EXOC6: variants seen among roughly 807,000 people sequenced by gnomAD.
EXOC6 encodes exocyst complex component 6, also known as SEC15-like 1.
Under a neutral mutation model 112.5 loss-of-function variants are expected in EXOC6, and 60 were observed. That is an observed-to-expected ratio of 0.53 (90% CI 0.43 to 0.66). EXOC6 has a LOEUF of 0.66. Ranked by LOEUF, EXOC6 falls within the 30% of genes least tolerant of loss-of-function variation. The pLI, the probability that EXOC6 is intolerant of heterozygous loss-of-function variation, is 0.00. For missense variants in EXOC6, 855 were observed against 957.1 expected (o/e 0.89, Z 1.41); for synonymous variants, 295 against 308.0 (o/e 0.96, Z 0.44).
intron 9 of EXOC6, among the ~76,000 whole-genome samples, chr10:92,933,293 A>G (rs534735977): frequency 1.2e-3 from 181 of 152,330 alleles, no homozygotes; most frequent in African/African-American, 4.2e-3. Flanking sequence ...ATCAGTAAGA[A>G]TACAAAACAT....
chr10:92,908,071 T>TTC (rs1249447403), intron 5 of EXOC6, among the ~76,000 whole-genome samples: 1 of 149,324 alleles, frequency 6.7e-6, no homozygotes, highest in Admixed American at 6.7e-5. Context: ...TTTTTTTTTT[T>TTC]TTTTTTGAGA....
chr10:92,935,935 A>G (rs781500008), intron 12 of EXOC6, 50 bp downstream of exon 12: 1 of 1,187,186 alleles, frequency 8.4e-7, no homozygotes, highest in Non-Finnish European at 1.2e-6. Flanking sequence ...TTAAAAACAT[A>G]CAAAATATAG....
chr10:92,857,002 A>C (rs1385301332), intron 1 of EXOC6, among the ~76,000 whole-genome samples: 1 of 152,164 alleles, frequency 6.6e-6, no homozygotes, highest in East Asian at 1.9e-4. Flanking sequence ...TATGTCATTA[A>C]ATCTAAAGTG....
chr10:92,919,062 C>A (rs1047596023), intron 7 of EXOC6, among the ~76,000 whole-genome samples: 1 of 152,052 alleles, frequency 6.6e-6, no homozygotes, highest in Non-Finnish European at 1.5e-5. Flanking sequence ...TCTAAATATT[C>A]AGAGGACCTC....
intron 1 of EXOC6, among the ~76,000 whole-genome samples, chr10:92,877,264 A>T (rs1848722591): frequency 6.6e-6 from 1 of 152,146 alleles, no homozygotes; most frequent in African/African-American, 2.4e-5. Context: ...AGCAACTGAA[A>T]GACGATTTGT....
At position 92,884,745 on chromosome 10, in the gene EXOC6, C is replaced by A. The variant is rs147206348; in HGVS notation, c.102-8604C>A. The stretch of plus-strand genomic sequence containing the variant: ...GATTTATTCTTTACAATGAAGACTG[C>A]AGTGAATTAAAAAGATACCCAAAAT... On this transcript the variant is annotated intron_variant, in intron 1 of 21. Transcript: ENST00000260762. Among the ~76,000 whole-genome samples the A allele has an allele frequency of 3.9e-3, 586 of 152,080 alleles. 2 individuals are homozygous for A. Among genetic ancestry groups the A allele is most frequent in the African/African-American group, 0.013 (548 of 41,492 alleles).
At chr10:92,861,371 C>G (rs1210802117) in intron 1 of EXOC6, among the ~76,000 whole-genome samples, 2 of 152,262 alleles carry the variant, frequency 1.3e-5, no homozygotes, top group Middle Eastern at 3.4e-3. Flanking sequence ...AGTGTGGAGC[C>G]TCTCTCGTAT....
At chr10:93,017,858 A>C (rs1306668307) in intron 20 of EXOC6, among the ~76,000 whole-genome samples, 1 of 151,112 alleles carries the variant, frequency 6.6e-6, no homozygotes, top group Non-Finnish European at 1.5e-5. Context: ...AAAAATGCAA[A>C]AATTAGCTGG....
intron 20 of EXOC6, among the ~76,000 whole-genome samples, chr10:93,046,231 TAGAA>T (rs1196597173): frequency 6.6e-6 from 1 of 152,210 alleles, no homozygotes; most frequent in Admixed American, 6.5e-5. Flanking sequence ...AGTACATTAT[TAGAA>T]GGAGGAAAAA....
At chr10:92,897,653 A>C (rs933256306) in intron 4 of EXOC6, among the ~76,000 whole-genome samples, 3 of 152,180 alleles carry the variant, frequency 2.0e-5, no homozygotes, top group African/African-American at 7.2e-5. Flanking sequence ...TCTGAGGCTC[A>C]CCTGAGACAA....
chr10:92,964,019 A>G (rs995831500), intron 17 of EXOC6, among the ~76,000 whole-genome samples: 4 of 151,850 alleles, frequency 2.6e-5, no homozygotes, highest in African/African-American at 9.7e-5. Context: ...AAAAAAAATC[A>G]CAGTAATATA....
chr10:93,014,390 T>G, intron 20 of EXOC6, 123 bp downstream of exon 20: 1 of 728,168 alleles, frequency 1.4e-6, no homozygotes. Flanking sequence ...TTAAGAAAAA[T>G]CCTTCCTTGG....
intron 1 of EXOC6, among the ~76,000 whole-genome samples, chr10:92,868,338 T>G (rs1428588122): frequency 6.6e-6 from 1 of 152,120 alleles, no homozygotes; most frequent in Non-Finnish European, 1.5e-5. Context: ...TCATGTTGAT[T>G]TGAGATGGTG....
intron 1 of EXOC6, among the ~76,000 whole-genome samples, chr10:92,849,438 G>A (rs908862392): frequency 6.6e-6 from 1 of 152,202 alleles, no homozygotes; most frequent in African/African-American, 2.4e-5. Flanking sequence ...AGTACCTGCT[G>A]TTCCAATAGA....
intron 5 of EXOC6, chr10:92,901,815 T>C (rs1850186423): frequency 7.3e-6 from 1 of 137,696 alleles, no homozygotes; most frequent in Non-Finnish European, 1.5e-5. Flanking sequence ...CTGGCCCGTA[T>C]GGTAAAACCC....
chr10:93,028,238 AGT>A (rs1845110363), intron 20 of EXOC6, among the ~76,000 whole-genome samples: 1 of 152,060 alleles, frequency 6.6e-6, no homozygotes, highest in South Asian at 2.1e-4. Context: ...TCGAGACTTC[AGT>A]GAGCCATGAT....
chr10:93,025,146 A>T (rs911166786), intron 20 of EXOC6, among the ~76,000 whole-genome samples: 15 of 152,096 alleles, frequency 9.9e-5, no homozygotes, highest in Non-Finnish European at 1.9e-4. Flanking sequence ...TTTAAAAATA[A>T]TTTTTTTTAA....
rs575899690 is a variant in EXOC6, at chr10:93,013,332, G to A, written c.2096-862G>A. Among the ~76,000 whole-genome samples, 82 of 152,104 alleles carry A rather than the reference G, an allele frequency of 5.4e-4. No homozygotes were observed. The South Asian group carries it at 0.016, about 29-fold the overall frequency. On this transcript the variant is annotated intron_variant, in intron 19 of 21. Transcript: ENST00000260762. ...TTTCTAAAAAAATCACTGGCCGAGC[G>A]TGGTGGCTCACACCTGTAATCCTAG...
chr10:93,030,398 A>T (rs1845219569), intron 20 of EXOC6, among the ~76,000 whole-genome samples: 2 of 152,220 alleles, frequency 1.3e-5, no homozygotes. Context: ...AATAATTTGA[A>T]CTTCTAAAAA....
Sources: gnomAD v4.1 joint callset for allele counts (sites outside exome capture counted in the v4.1 genomes callset) on GRCh38, gnomAD v4.1.1 for gene constraint, MANE v1.5 for transcripts, NCBI Gene and HGNC (gene_info 2026-07-23, HGNC 2026-07-21) for gene names.